The following SEMA6B variants were observed in gnomAD, a reference collection of about 807,000 sequenced individuals.
SEMA6B encodes semaphorin 6B, also known as semaphorin-6B.
Under a neutral mutation model 78.6 loss-of-function variants are expected in SEMA6B, and 47 were observed. The observed-to-expected ratio is 0.60, with a 90% confidence interval of 0.47 to 0.76. The LOEUF is 0.76. Among genes scored for constraint, SEMA6B ranks in the 30% least tolerant of loss-of-function variants. The probability of loss-of-function intolerance (pLI) is 0.00; values close to 1 mark genes in which losing one functional copy is unlikely to be tolerated. For missense variants in SEMA6B, 1,213 were observed against 1,269.9 expected (o/e 0.96, Z 0.68); for synonymous variants, 632 against 592.2 (o/e 1.07, Z -0.98).
At position 4,544,626 on chromosome 19, in the gene SEMA6B, T is replaced by A; in HGVS notation, c.1739-97A>T. The A allele has an allele frequency of 8.2e-6, 5 of 609,268 alleles. No individual in the cohort carries two copies. The highest frequency in any genetic ancestry group is 7.2e-6 in the Non-Finnish European group (3 of 415,470). The allele number at this position is 609,268 out of a possible 1,614,324, so 37.7% of individuals were successfully genotyped here. Reference sequence around the variant, plus strand: ...GCCCTCTGTCCTCTTTTTTATTATTTTTATTTTTTTTTATTTATTTATTTT... The same window carrying A: ...GCCCTCTGTCCTCTTTTTTATTATTATTATTTTTTTTTATTTATTTATTTT... On this transcript the variant is annotated intron_variant, in intron 16 of 16. Coordinates refer to ENST00000586582, the MANE Select transcript of SEMA6B (RefSeq NM_032108.4). This position sits in a 1 kb window ranked among gnomAD's most constrained non-coding sequence, Gnocchi z 5.1.
Position 4,554,395 on chromosome 19 carries a change from A to G in SEMA6B, c.764T>C (p.Leu255Pro), listed in dbSNP as rs747108813. Residue 255 changes from leucine to proline, a missense_variant, in exon 9 of 17, where the codon CTG (leucine) becomes CCG (proline). Leu to Pro is a moderately conservative substitution (Grantham distance 98). Coordinates refer to ENST00000586582, the MANE Select transcript of SEMA6B (RefSeq NM_032108.4). ...CCACTGCACCGGCCTCACCTTCTCC[A>G]GGTAGTTAAACTCCATCGCAATCTC... Reference protein sequence around the residue: ...FREIAMEFNYLEKVVVSRVAR... With the variant: ...FREIAMEFNYPEKVVVSRVAR... 19 of 1,613,126 alleles carry G rather than the reference A, an allele frequency of 1.2e-5. No homozygotes were observed. The highest frequency in any genetic ancestry group is 1.1e-5 in the Non-Finnish European group (13 of 1,179,346).
intron 8 of SEMA6B, 151 bp from the exon 9 acceptor site, chr19:4,554,627 G>A (rs1321939752): frequency 1.4e-5 from 9 of 657,482 alleles, no homozygotes; most frequent in African/African-American, 3.6e-5. Context: ...TTTTGCAGGG[G>A]AAGGGAGGTC....
In SEMA6B at chr19:4,552,744, C is replaced by T. The variant is rs1977366720; in HGVS notation, c.772-105G>A. The T allele has an allele frequency of 1.8e-6, 2 of 1,136,940 alleles. No individual in the cohort carries two copies. 70.4% of individuals were successfully genotyped at this position (1,136,940 alleles called of 1,614,324 possible). ...CCAAACTGTGATGGAGGAGTCTGACCCTGGCTCTGGTGGGACCCCGGCCAG... is the reference window on the plus strand; with the variant it reads ...CCAAACTGTGATGGAGGAGTCTGACTCTGGCTCTGGTGGGACCCCGGCCAG... On this transcript the variant is annotated intron_variant, in intron 9 of 16. Coordinates refer to ENST00000586582, the MANE Select transcript of SEMA6B (RefSeq NM_032108.4). This position sits in a 1 kb window ranked among gnomAD's most constrained non-coding sequence, Gnocchi z 7.4.
rs767554427 is a variant in SEMA6B at position 4,552,582 on chromosome 19, C to T, written c.829G>A (p.Val277Met). The T allele has an allele frequency of 2.0e-5, 33 of 1,612,682 alleles. No individual in the cohort carries two copies. Among genetic ancestry groups the T allele is most frequent in the Non-Finnish European group, 2.6e-5 (31 of 1,179,906 alleles). ...CKNDVGGSPRVLEKQWTSFLK... is the reference protein window; with the variant it reads ...CKNDVGGSPRMLEKQWTSFLK... The stretch of plus-strand genomic sequence containing the variant: ...AAGGACGTCCACTGCTTCTCCAGCA[C>T]GCGGGGGGAGCCTCCCACGTCGTTC... The change falls in exon 10 of 17, where the codon GTG becomes ATG. Residue 277 changes from valine (V) to methionine (M), a missense_variant. Transcript: ENST00000586582. This position sits in a 1 kb window ranked among gnomAD's most constrained non-coding sequence, Gnocchi z 7.4.
chr19:4,544,245 C>G lies in SEMA6B; in HGVS notation c.2023G>C (p.Val675Leu), dbSNP rs1599772037. 7.8e-6 allele frequency: 10 copies of G among 1,279,006 alleles called. No homozygotes were observed. The highest frequency in any genetic ancestry group is 9.8e-6 in the Non-Finnish European group (10 of 1,016,510). 79.2% of individuals were successfully genotyped at this position (1,279,006 alleles called of 1,614,324 possible). ...RGGGGGGGAG[V>L]PPEALLAPLM... is the part of the protein sequence containing the mutation. ...GGCGCCAGCAGGGCCTCCGGGGGAA[C>G]CCCGGCGCCACCGCCACCGCCTCCG... Residue 675 changes from valine (V) to leucine (L), a missense_variant, in exon 17 of 17, where the codon GTT (valine) becomes CTT (leucine). Val to Leu is a conservative substitution (Grantham distance 32, BLOSUM62 1). Transcript: ENST00000586582. The surrounding 1 kb of genome is among the most constrained non-coding windows in gnomAD (Gnocchi z 5.1).
At position 4,546,229 on chromosome 19, in the gene SEMA6B, T is replaced by A; in HGVS notation, c.1725A>T (p.Leu575Phe). 1 of 1,612,252 alleles carries A rather than the reference T, an allele frequency of 6.2e-7. No homozygotes were observed. The highest frequency in any genetic ancestry group is 8.5e-7 in the Non-Finnish European group (1 of 1,179,870). The change falls in exon 16 of 17, where the codon TTA becomes TTT. Residue 575 changes from leucine to phenylalanine, a missense_variant. Physicochemically the swap from Leu to Phe is conservative, Grantham distance 22 (BLOSUM62 0). Coordinates refer to ENST00000586582, the MANE Select transcript of SEMA6B (RefSeq NM_032108.4). ...QDVSGASTSG[L>F]GDCTGLLRAS... is the part of the protein sequence containing the mutation. ...CCCCCAACTCACCTGTGCAGTCCCC[T>A]AAGCCTGAGGTGCTGGCCCCGGACA...
rs754661092 is a variant in SEMA6B at position 4,550,162 on chromosome 19, G to A, written c.1232C>T (p.Ser411Leu). ...THPLMDEAVP[S>L]LGHAPWILRT... ...CAGGATCCAGGGCGCATGGCCCAGC[G>A]AGGGCACCGCCTCGTCCATCAGAGG... is the stretch of plus-strand genomic sequence containing the variant. Residue 411 changes from serine to leucine, a missense_variant, in exon 12 of 17, where the codon TCG becomes TTG. By Grantham distance (145) the Ser-to-Leu change is moderately radical. Transcript: ENST00000586582. This position sits in a 1 kb window ranked among gnomAD's most constrained non-coding sequence, Gnocchi z 6.6. 3.1e-6 allele frequency: 5 copies of A among 1,613,846 alleles called. No individual in the cohort carries two copies. Among genetic ancestry groups the A allele is most frequent in the Admixed American group, 1.7e-5 (1 of 60,020 alleles).
At position 4,548,362 on chromosome 19, in the gene SEMA6B, C is replaced by T; in HGVS notation, c.1355G>A (p.Gly452Glu). The T allele has an allele frequency of 6.2e-7, 1 of 1,613,868 alleles. No individual in the cohort carries two copies. Among genetic ancestry groups the T allele is most frequent in the Non-Finnish European group, 8.5e-7 (1 of 1,180,014 alleles). ...QTVVFLGSEAGTVLKFLVRPN... is the reference protein window; with the variant it reads ...QTVVFLGSEAETVLKFLVRPN... ...CCGGACGAGGAACTTGAGGACCGTCCCCGCCTCAGAACCCAGGAAGACAAC... is the reference window on the plus strand; with the variant it reads ...CCGGACGAGGAACTTGAGGACCGTCTCCGCCTCAGAACCCAGGAAGACAAC... Residue 452 changes from glycine to glutamate, a missense_variant, in exon 13 of 17, where the codon GGG becomes GAG. Transcript: ENST00000586582.
chr19:4,551,011 G>A, intron 10 of SEMA6B, 81 bp from the exon 11 acceptor site: 2 of 1,509,254 alleles, frequency 1.3e-6, no homozygotes, highest in South Asian at 2.3e-5. Context: ...GCCTCTGTCT[G>A]CAGGAGCCAG....
intron 3 of SEMA6B, 148 bp from the exon 4 acceptor site, chr19:4,557,371 C>T: frequency 1.6e-6 from 1 of 618,272 alleles, no homozygotes; most frequent in Admixed American, 3.1e-5. Flanking sequence ...CGACCACACC[C>T]CCCCAAGGGC....
At position 4,558,602 on chromosome 19, in the gene SEMA6B, T is replaced by A; in HGVS notation, c.-32-113A>T. On this transcript the variant is annotated intron_variant, in intron 1 of 16. Coordinates refer to ENST00000586582, the MANE Select transcript of SEMA6B (RefSeq NM_032108.4). The surrounding 1 kb of genome is among the most constrained non-coding windows in gnomAD (Gnocchi z 5.1). Reference sequence around the variant, plus strand: ...ATCCCAGAAAAATTCCTCACGGGGATAATAATTAATAAAAACAATAATGGC... The same window carrying A: ...ATCCCAGAAAAATTCCTCACGGGGAAAATAATTAATAAAAACAATAATGGC... The A allele has an allele frequency of 1.0e-5, 5 of 496,040 alleles. No homozygotes were observed. Among genetic ancestry groups the A allele is most frequent in the African/African-American group, 4.0e-5 (2 of 50,580 alleles). 30.7% of individuals were successfully genotyped at this position (496,040 alleles called of 1,614,324 possible).
intron 5 of SEMA6B, among the ~76,000 whole-genome samples, 157 bp downstream of exon 5, chr19:4,556,794 C>T (rs1224113904): frequency 3.1e-5 from 4 of 131,100 alleles, no homozygotes; most frequent in African/African-American, 1.2e-4. Context: ...GGGGGTGTGG[C>T]CAGGGCTGGC....
intron 5 of SEMA6B, among the ~76,000 whole-genome samples, chr19:4,556,535 G>A (rs985370599): frequency 2.0e-5 from 3 of 147,064 alleles, no homozygotes; most frequent in Non-Finnish European, 3.0e-5. Flanking sequence ...GGCGTGGGGG[G>A]CGGCAGGACT....
Position 4,558,107 on chromosome 19 carries a change from C to A in SEMA6B, c.164G>T (p.Arg55Leu). 1 of 1,528,588 alleles carries A rather than the reference C, an allele frequency of 6.5e-7. No homozygotes were observed. The allele number at this position is 1,528,588 out of a possible 1,614,324, so 94.7% of individuals were successfully genotyped here. ...GTCAGCACCTTCTGCGGGGGTCAGG[C>A]GTCCGGGCCCGCTGCCCACAAACAC... Reference protein sequence around the residue: ...YPVFVGSGPGRLTPAEGADDL... With the variant: ...YPVFVGSGPGLLTPAEGADDL... The change falls in exon 3 of 17, where the codon CGC becomes CTC. Residue 55 changes from arginine (R) to leucine (L), a missense_variant. Arg to Leu is a moderately radical substitution (Grantham distance 102). Coordinates refer to ENST00000586582, the MANE Select transcript of SEMA6B (RefSeq NM_032108.4). The surrounding 1 kb of genome is among the most constrained non-coding windows in gnomAD (Gnocchi z 5.1).
In SEMA6B at chr19:4,552,715, C is replaced by A. The variant is rs1977366140; in HGVS notation, c.772-76G>T. On this transcript the variant is annotated intron_variant, in intron 9 of 16. Transcript: ENST00000586582. The surrounding 1 kb of genome is among the most constrained non-coding windows in gnomAD (Gnocchi z 7.4). ...GCCTGTTCACAGGCTGTGCCACTCA[C>A]CACCCAAACTGTGATGGAGGAGTCT... The A allele has an allele frequency of 1.4e-6, 2 of 1,385,370 alleles. No homozygotes were observed. Among genetic ancestry groups the A allele is most frequent in the Non-Finnish European group, 9.9e-7 (1 of 1,014,444 alleles). 85.8% of individuals were successfully genotyped at this position (1,385,370 alleles called of 1,614,324 possible).
intron 3 of SEMA6B, 74 bp downstream of exon 3, chr19:4,557,952 C>A (rs1977516703): frequency 1.6e-6 from 2 of 1,238,138 alleles, no homozygotes; most frequent in Non-Finnish European, 1.0e-6. Context: ...CCCCTCCCTG[C>A]CCTCGCCTCC....
rs372811450 is a variant in SEMA6B, at chr19:4,557,025, G to C, written c.307-12C>G. On this transcript the variant is annotated splice_polypyrimidine_tract_variant and intron_variant, in intron 4 of 16. Transcript: ENST00000586582. ...CTCCAGGTCAGCTTCTGCAGACAGA[G>C]AGAGCTGGTGAGGGGGTAACGGGTC... 8.7e-6 allele frequency: 14 copies of C among 1,611,670 alleles called. No homozygotes were observed. The highest frequency in any genetic ancestry group is 5.3e-5 in the African/African-American group (4 of 74,788).
At chr19:4,553,111 T>C (rs1193043999) in intron 9 of SEMA6B, among the ~76,000 whole-genome samples, 2 of 152,148 alleles carry the variant, frequency 1.3e-5, no homozygotes, top group South Asian at 2.1e-4. Context: ...GATGAGTAGG[T>C]GGATGGATAA....
rs1490860582 is a variant in SEMA6B at position 4,556,081 on chromosome 19, A to G, written c.378T>C (p.Cys126=). The change falls in exon 6 of 17, where the codon TGT becomes TGC. Residue 126 remains cysteine (C), a synonymous_variant. Transcript: ENST00000586582. ...CRMKGKQEGE[C]RNFVKVLLLR... is the part of the protein sequence containing the mutation. ...GGAGCAGCACCTTTACGAAGTTTCG[A>G]CACTCGCCCTGAGGTGGGGACAGGA... The G allele has an allele frequency of 6.2e-7, 1 of 1,613,462 alleles. No homozygotes were observed. The highest frequency in any genetic ancestry group is 2.2e-5 in the East Asian group (1 of 44,874).
Sources: gnomAD v4.1 joint callset for allele counts (sites outside exome capture counted in the v4.1 genomes callset) on GRCh38, gnomAD v4.1.1 for gene constraint, Gnocchi (gnomAD v3.1) non-coding constraint, MANE v1.5 for transcripts, NCBI Gene and HGNC (gene_info 2026-07-23, HGNC 2026-07-21) for gene names.